Variants in CADM2 observed in about 807,000 individuals in gnomAD.
CADM2 encodes the protein immunoglobulin superfamily member 4D.
A neutral mutation model predicts 49.8 loss-of-function variants in CADM2; 12 were observed. That is an observed-to-expected ratio of 0.24 (90% CI 0.15 to 0.39). The LOEUF (loss-of-function observed/expected upper bound fraction) is 0.39. CADM2 is among the 10% of genes least tolerant of loss of function. CADM2 has a pLI of 1.00. For missense variants in CADM2, 378 were observed against 492.3 expected (o/e 0.77, Z 2.20); for synonymous variants, 214 against 175.4 (o/e 1.22, Z -1.74).
chr3:85,422,937 C>T (rs567962448), intron 1 of CADM2, among the ~76,000 whole-genome samples: 1 of 152,094 alleles, frequency 6.6e-6, no homozygotes, highest in Admixed American at 6.6e-5. Flanking sequence ...GTCAGTGTGA[C>T]AGCCTTTTTG....
intron 8 of CADM2, chr3:85,993,108 G>A (rs1728985697): frequency 6.6e-6 from 1 of 152,196 alleles, no homozygotes; most frequent in Non-Finnish European, 1.5e-5. Flanking sequence ...AGAGGCCAAG[G>A]TGTGAGGATT....
chr3:85,279,359 A>C (rs1001900549), intron 1 of CADM2, among the ~76,000 whole-genome samples: 1 of 151,576 alleles, frequency 6.6e-6, no homozygotes, highest in Non-Finnish European at 1.5e-5. Context: ...GTTTAAAGAA[A>C]ACATTTCTTG....
chr3:85,752,074 A>AAATCAC (rs140902837), intron 2 of CADM2, among the ~76,000 whole-genome samples: 21,787 of 151,990 alleles, frequency 0.14, 1,741 homozygotes, highest in African/African-American at 0.22. Context: ...GTGTATAGGA[A>AAATCAC]AAGAAACAGT....
chr3:85,719,388 A>G (rs867922518), intron 1 of CADM2, among the ~76,000 whole-genome samples: 1 of 152,200 alleles, frequency 6.6e-6, no homozygotes, highest in South Asian at 2.1e-4. Context: ...ACCACAGTCA[A>G]AAATTCAAGG....
intron 1 of CADM2, among the ~76,000 whole-genome samples, chr3:85,494,708 T>C (rs1341729922): frequency 6.6e-6 from 1 of 152,216 alleles, no homozygotes; most frequent in Non-Finnish European, 1.5e-5. Context: ...ATTATTTTAA[T>C]CTTAATTAAA....
At chr3:85,618,855 A>T (rs1328193960) in intron 1 of CADM2, among the ~76,000 whole-genome samples, 1 of 152,190 alleles carries the variant, frequency 6.6e-6, no homozygotes, top group South Asian at 2.1e-4. Context: ...AATATTTGCA[A>T]AATAATAATC....
At chr3:85,463,965 C>A (rs6762267) in intron 1 of CADM2, among the ~76,000 whole-genome samples, 74,438 of 151,950 alleles carry the variant, frequency 0.49, 21,924 homozygotes, top group East Asian at 0.83. Flanking sequence ...AAATTTAAAT[C>A]TTACTCTAAA....
At chr3:85,956,927 C>T (rs933369975) in intron 7 of CADM2, among the ~76,000 whole-genome samples, 4 of 151,424 alleles carry the variant, frequency 2.6e-5, no homozygotes, top group African/African-American at 7.3e-5. Context: ...TTTAAAAGTT[C>T]AAACATCAAG....
chr3:85,184,059 C>G (rs947611716), intron 1 of CADM2, among the ~76,000 whole-genome samples: 2 of 151,922 alleles, frequency 1.3e-5, no homozygotes, highest in Non-Finnish European at 2.9e-5. Flanking sequence ...AGCAGGTGAT[C>G]AAGGAGTTAA....
Position 85,537,278 on chromosome 3 carries a change from C to G in CADM2, c.62-189244C>G, listed in dbSNP as rs574186003. 1.1e-3 allele frequency among the ~76,000 whole-genome samples: 174 copies of G among 152,026 alleles called. 1 individual carries two copies. The highest frequency in any genetic ancestry group is 4.0e-3 in the African/African-American group (166 of 41,494). The stretch of plus-strand genomic sequence containing the variant: ...AACTTTTTCAACATTTTTTAAGTAT[C>G]AAAATATTCAGGCTATGTAGAAGCA... On this transcript the variant is annotated intron_variant, in intron 1 of 9. Coordinates refer to ENST00000383699, the MANE Select transcript of CADM2 (RefSeq NM_001167675.2).
intron 1 of CADM2, among the ~76,000 whole-genome samples, chr3:85,218,611 C>A (rs188344348): frequency 1.7e-3 from 260 of 152,198 alleles, no homozygotes; most frequent in Middle Eastern, 6.8e-3. Flanking sequence ...TTCTGGCCAA[C>A]ATGGTGAAAA....
chr3:85,295,456 A>G (rs965055261), intron 1 of CADM2, among the ~76,000 whole-genome samples: 1 of 152,190 alleles, frequency 6.6e-6, no homozygotes, highest in African/African-American at 2.4e-5. Flanking sequence ...TACCCAAAGG[A>G]CTATAAATCA....
chr3:85,782,890 C>G (rs1233590388), intron 2 of CADM2, among the ~76,000 whole-genome samples: 3 of 152,048 alleles, frequency 2.0e-5, no homozygotes, highest in Non-Finnish European at 4.4e-5. Flanking sequence ...AGAGAAGGAA[C>G]AGCTACATTT....
intron 1 of CADM2, among the ~76,000 whole-genome samples, chr3:85,112,192 A>C (rs2038483049): frequency 6.6e-6 from 1 of 151,938 alleles, no homozygotes; most frequent in African/African-American, 2.4e-5. Flanking sequence ...CAAGATATTA[A>C]AATATCATAG....
At chr3:86,000,145 G>C (rs1729991667) in intron 8 of CADM2, among the ~76,000 whole-genome samples, 1 of 152,140 alleles carries the variant, frequency 6.6e-6, no homozygotes. Flanking sequence ...ACACCAGTTT[G>C]CCAGAAAAGG....
At chr3:85,900,539 T>TA (rs1012267488) in intron 5 of CADM2, among the ~76,000 whole-genome samples, 4 of 151,868 alleles carry the variant, frequency 2.6e-5, no homozygotes, top group African/African-American at 7.3e-5. Context: ...ACATTTTTTT[T>TA]AAATTTTTAC....
At chr3:85,278,074 C>T (rs1274181352) in intron 1 of CADM2, among the ~76,000 whole-genome samples, 4 of 150,796 alleles carry the variant, frequency 2.7e-5, no homozygotes, top group Non-Finnish European at 3.0e-5. Flanking sequence ...CTCACAAATA[C>T]CTTTTTTATT....
At chr3:85,200,065 G>C (rs143915404) in intron 1 of CADM2, among the ~76,000 whole-genome samples, 98 of 152,086 alleles carry the variant, frequency 6.4e-4, no homozygotes, top group African/African-American at 2.4e-3. Flanking sequence ...GCCCTTCCAT[G>C]GGTTAACTGA....
chr3:85,741,442 G>A (rs1034209596), intron 2 of CADM2, among the ~76,000 whole-genome samples: 1 of 152,106 alleles, frequency 6.6e-6, no homozygotes, highest in Non-Finnish European at 1.5e-5. Flanking sequence ...GGCCGGGGCG[G>A]GGGGATCACA....
Sources: gnomAD v4.1 joint callset for allele counts (sites outside exome capture counted in the v4.1 genomes callset) on GRCh38, gnomAD v4.1.1 for gene constraint, MANE v1.5 for transcripts, NCBI Gene and HGNC (gene_info 2026-07-23, HGNC 2026-07-21) for gene names.